RANBP17: variants seen among roughly 807,000 people sequenced by gnomAD.
RANBP17 encodes the protein ran-binding protein 17.
In RANBP17, 158 loss-of-function variants were observed where a neutral mutation model predicts 141.2. The observed-to-expected ratio is 1.12, with a 90% confidence interval of 0.98 to 1.28. The LOEUF (loss-of-function observed/expected upper bound fraction) is 1.28. Ranked by LOEUF, RANBP17 falls within the 50% of genes most tolerant of loss-of-function variation. The pLI is 0.00. For missense variants in RANBP17, 1,438 were observed against 1,290.7 expected, an observed-to-expected ratio of 1.11 and a Z score of -1.75; for synonymous variants, 430 against 450.0, an observed-to-expected ratio of 0.96 and a Z score of 0.56.
intron 14 of RANBP17, among the ~76,000 whole-genome samples, chr5:170,985,941 T>A (rs1581320198): frequency 6.6e-6 from 1 of 152,082 alleles, no homozygotes; most frequent in South Asian, 2.1e-4. Flanking sequence ...ATTTACATAT[T>A]TCCTAAAAAT....
chr5:170,869,702 G>A (rs1767557052), intron 1 of RANBP17, among the ~76,000 whole-genome samples: 1 of 152,088 alleles, frequency 6.6e-6, no homozygotes, highest in South Asian at 2.1e-4. Context: ...AGGAATACCA[G>A]TCAGTGGATT....
intron 20 of RANBP17, among the ~76,000 whole-genome samples, chr5:171,213,180 A>G (rs1050172321): frequency 4.6e-5 from 7 of 152,170 alleles, no homozygotes; most frequent in African/African-American, 1.4e-4. Context: ...CTACTTTTAC[A>G]TATTTATTAA....
intron 14 of RANBP17, chr5:171,161,437 G>A (rs983724321): frequency 5.0e-6 from 1 of 201,076 alleles, no homozygotes; most frequent in Non-Finnish European, 1.0e-5. Flanking sequence ...TGTACCCAGA[G>A]TTCCAGAGAA....
chr5:171,265,600 A>G (rs1766617626), intron 24 of RANBP17, 81 bp from the exon 25 acceptor site: 5 of 1,260,892 alleles, frequency 4.0e-6, no homozygotes, highest in Admixed American at 2.4e-5. Context: ...GAAAGTAATT[A>G]TTTTTAATGG....
chr5:171,040,336 C>T (rs1233481912), intron 14 of RANBP17, among the ~76,000 whole-genome samples: 2 of 152,140 alleles, frequency 1.3e-5, no homozygotes, highest in Non-Finnish European at 2.9e-5. Context: ...CAGAAAGTCT[C>T]AGAGTCAGAG....
intron 22 of RANBP17, among the ~76,000 whole-genome samples, chr5:171,234,466 C>T (rs539293485): frequency 2.0e-5 from 3 of 152,222 alleles, no homozygotes; most frequent in South Asian, 4.2e-4. Context: ...AAATTACTCA[C>T]GCTGCTATAT....
chr5:170,877,165 A>G (rs1768251308), intron 1 of RANBP17, among the ~76,000 whole-genome samples: 1 of 152,302 alleles, frequency 6.6e-6, no homozygotes, highest in South Asian at 2.1e-4. Context: ...ATAACTGGTT[A>G]TTACATTGCT....
At chr5:171,244,363 C>G (rs751258304) in intron 24 of RANBP17, among the ~76,000 whole-genome samples, 1 of 151,944 alleles carries the variant, frequency 6.6e-6, no homozygotes, top group African/African-American at 2.4e-5. Context: ...GGGCAACGAA[C>G]GAAACTCCAT....
At position 170,876,635 on chromosome 5, in the gene RANBP17, G is replaced by A. The variant is rs934888112; in HGVS notation, c.19-1462G>A. 4.6e-5 allele frequency among the ~76,000 whole-genome samples: 7 copies of A among 151,968 alleles called. 1 individual carries two copies. Among genetic ancestry groups the A allele is most frequent in the Admixed American group, 4.6e-4 (7 of 15,250 alleles). On this transcript the variant is annotated intron_variant, in intron 1 of 27. Coordinates refer to ENST00000523189, the MANE Select transcript of RANBP17 (RefSeq NM_022897.5). ...GAAATTTCCAAATCTGGGATGCTGGGCTCTGATGTAGTTAGGGAAATGGAA... is the reference window on the plus strand; with the variant it reads ...GAAATTTCCAAATCTGGGATGCTGGACTCTGATGTAGTTAGGGAAATGGAA...
chr5:171,081,879 G>A (rs1785276543), intron 14 of RANBP17, among the ~76,000 whole-genome samples: 1 of 152,012 alleles, frequency 6.6e-6, no homozygotes. Context: ...ACTCTTTCAT[G>A]AATCTGTTTT....
chr5:171,160,663 T>G (rs905452896), intron 14 of RANBP17, among the ~76,000 whole-genome samples: 1 of 152,236 alleles, frequency 6.6e-6, no homozygotes, highest in Admixed American at 6.5e-5. Context: ...TGTGATATTA[T>G]ACTTTGTAAC....
chr5:171,168,669 C>T (rs546590331), intron 14 of RANBP17, among the ~76,000 whole-genome samples: 1 of 152,196 alleles, frequency 6.6e-6, no homozygotes, highest in South Asian at 2.1e-4. Context: ...CTCCCTCTTT[C>T]CCCCAAACAT....
intron 2 of RANBP17, 27 bp from the exon 3 acceptor site, chr5:170,881,779 A>C (rs1310822641): frequency 7.2e-7 from 1 of 1,383,416 alleles, no homozygotes; most frequent in Non-Finnish European, 9.9e-7. Context: ...CATTTATGAT[A>C]ATAATAAATA....
chr5:171,012,968 T>C (rs1177571554), intron 14 of RANBP17, among the ~76,000 whole-genome samples: 2 of 152,184 alleles, frequency 1.3e-5, no homozygotes, highest in African/African-American at 2.4e-5. Flanking sequence ...TCTGTCAGCT[T>C]TTCAGTTAAC....
intron 22 of RANBP17, among the ~76,000 whole-genome samples, chr5:171,223,720 T>TTTAAA: frequency 6.6e-6 from 1 of 152,360 alleles, no homozygotes; most frequent in South Asian, 2.1e-4. Flanking sequence ...AAAAATTTTC[T>TTTAAA]AAATACAATT....
intron 14 of RANBP17, among the ~76,000 whole-genome samples, chr5:171,153,781 C>T (rs1368542795): frequency 6.6e-6 from 1 of 152,146 alleles, no homozygotes; most frequent in Non-Finnish European, 1.5e-5. Context: ...AGTGCAGTGG[C>T]TCATGCCTGT....
At chr5:171,175,305 G>A (rs550566034) in intron 16 of RANBP17, among the ~76,000 whole-genome samples, 1 of 152,250 alleles carries the variant, frequency 6.6e-6, no homozygotes, top group African/African-American at 2.4e-5. Context: ...CATCCTTTGG[G>A]TATATACCCA....
At chr5:170,987,838 G>A (rs1268606232) in intron 14 of RANBP17, among the ~76,000 whole-genome samples, 1 of 151,520 alleles carries the variant, frequency 6.6e-6, no homozygotes, top group African/African-American at 2.4e-5. Flanking sequence ...GCAGCCACTG[G>A]TAATTAAAAT....
chr5:171,221,735 C>T, intron 21 of RANBP17, 23 bp from the exon 22 acceptor site: 1 of 1,441,692 alleles, frequency 6.9e-7, no homozygotes, highest in Non-Finnish European at 9.7e-7. Flanking sequence ...CACATATAGG[C>T]AATTTTTTTC....
Sources: gnomAD v4.1 joint callset for allele counts (sites outside exome capture counted in the v4.1 genomes callset) on GRCh38, gnomAD v4.1.1 for gene constraint, MANE v1.5 for transcripts, NCBI Gene and HGNC (gene_info 2026-07-23, HGNC 2026-07-21) for gene names.